The following PTBP3 variants were observed in gnomAD, a reference collection of about 807,000 sequenced individuals.
The protein encoded by PTBP3 is polypyrimidine tract-binding protein 3.
In PTBP3, 20 loss-of-function variants were observed where a neutral mutation model predicts 58.7. That is an observed-to-expected ratio of 0.34 (90% confidence interval 0.24 to 0.50). PTBP3 has a LOEUF of 0.50. PTBP3 is among the 20% of genes least tolerant of loss of function. PTBP3 has a pLI of 0.98. For missense variants in PTBP3, 509 were observed against 637.2 expected (o/e 0.80, Z 2.17); for synonymous variants, 185 against 219.8 (o/e 0.84, Z 1.40).
intron 3 of PTBP3, among the ~76,000 whole-genome samples, chr9:112,269,950 T>TC (rs1216524638): frequency 6.7e-6 from 1 of 148,482 alleles, no homozygotes; most frequent in Non-Finnish European, 1.5e-5. Flanking sequence ...CAAATCTTCT[T>TC]TTTTTTTTTT....
In PTBP3 at chr9:112,305,615, G is replaced by C. The variant is rs553263836; in HGVS notation, c.-51-7699C>G. 1.1e-4 allele frequency among the ~76,000 whole-genome samples: 16 copies of C among 152,160 alleles called. No individual in the cohort carries two copies. The South Asian group carries it at 3.3e-3, about 32-fold the overall frequency. On this transcript the variant is annotated intron_variant, in intron 1 of 13. Coordinates refer to ENST00000374257, the MANE Select transcript of PTBP3 (RefSeq NM_001163788.4). ...TTCCCTAGGCTTGATTTTAATCTGCGTCCTTTTCCTCTAGCAAACCATGCT... is the reference window on the plus strand; with the variant it reads ...TTCCCTAGGCTTGATTTTAATCTGCCTCCTTTTCCTCTAGCAAACCATGCT...
the PTBP3 span, among the ~76,000 whole-genome samples, chr9:112,367,776 T>C: frequency 6.6e-6 from 1 of 151,966 alleles, no homozygotes; most frequent in African/African-American, 2.4e-5. Flanking sequence ...TGAAGATCTC[T>C]TTATATTTAA....
In PTBP3 at chr9:112,232,021, A is replaced by AAGAGAAGAG. The variant is rs1564391863; in HGVS notation, c.1020+77_1020+78insCTCTTCTCT. ...GAAGAGAAGAGAAGAGAAGAGAAGA[A>AAGAGAAGAG]AAGAAAAGAAAGAAAGAAAAAAGTG... On this transcript the variant is annotated intron_variant, in intron 9 of 13. Transcript: ENST00000374257. 1.3e-5 allele frequency: 4 copies of AAGAGAAGAG among 302,408 alleles called. No homozygotes were observed. In the East Asian group the frequency reaches 4.2e-4, roughly 32 times the overall value. The allele number at this position is 302,408 out of a possible 1,614,324, so 18.7% of individuals were successfully genotyped here.
At chr9:112,317,022 G>A (rs1829732970) in intron 1 of PTBP3, among the ~76,000 whole-genome samples, 1 of 151,466 alleles carries the variant, frequency 6.6e-6, no homozygotes, top group Non-Finnish European at 1.5e-5. Context: ...GCTCACGCCT[G>A]TAATCCCAGC....
At chr9:112,296,538 C>A (rs1263089065) in intron 2 of PTBP3, among the ~76,000 whole-genome samples, 1 of 152,062 alleles carries the variant, frequency 6.6e-6, no homozygotes, top group Non-Finnish European at 1.5e-5. Flanking sequence ...CATTCATCCC[C>A]ACCTCCCTAC....
At chr9:112,265,209 T>C (rs1299422367) in intron 4 of PTBP3, among the ~76,000 whole-genome samples, 1 of 151,770 alleles carries the variant, frequency 6.6e-6, no homozygotes, top group Non-Finnish European at 1.5e-5. Flanking sequence ...CTGCAATACA[T>C]TAAGTCTTAG....
chr9:112,365,130 G>C, the PTBP3 span, among the ~76,000 whole-genome samples: 5 of 151,730 alleles, frequency 3.3e-5, no homozygotes, highest in Non-Finnish European at 7.4e-5. Flanking sequence ...CTTCTTTAAG[G>C]CTTAATAGTA....
At chr9:112,224,052 A>G in intron 13 of PTBP3, 69 bp from the exon 14 acceptor site, 2 of 1,561,510 alleles carry the variant, frequency 1.3e-6, no homozygotes, top group Non-Finnish European at 1.8e-6. Flanking sequence ...TTCCTCCACC[A>G]GAAGACTTCA....
chr9:112,273,709 A>G (rs1380239464), intron 3 of PTBP3, among the ~76,000 whole-genome samples: 1 of 152,184 alleles, frequency 6.6e-6, no homozygotes, highest in African/African-American at 2.4e-5. Flanking sequence ...GAGACAGCCA[A>G]AAGTCACTAC....
At chr9:112,294,288 GGATT>G (rs1299466073) in intron 2 of PTBP3, among the ~76,000 whole-genome samples, 1 of 152,162 alleles carries the variant, frequency 6.6e-6, no homozygotes, top group East Asian at 1.9e-4. Context: ...CAAGGAAGGA[GGATT>G]GATTGATTGA....
At chr9:112,345,105 A>AAAT in the PTBP3 span, among the ~76,000 whole-genome samples, 2 of 151,846 alleles carry the variant, frequency 1.3e-5, no homozygotes, top group African/African-American at 2.4e-5. Flanking sequence ...TGCACAGCAA[A>AAAT]AATAATAATA....
chr9:112,332,572 T>C (rs951372861), intron 1 of PTBP3, among the ~76,000 whole-genome samples: 2 of 152,142 alleles, frequency 1.3e-5, no homozygotes, highest in African/African-American at 2.4e-5. Flanking sequence ...TAGGTACAGA[T>C]ACTACAACCT....
At chr9:112,369,956 G>A in the PTBP3 span, among the ~76,000 whole-genome samples, 1 of 152,216 alleles carries the variant, frequency 6.6e-6, no homozygotes, top group African/African-American at 2.4e-5. Context: ...TTTATAAAAG[G>A]CAGTTCCCCT....
At position 112,333,618 on chromosome 9, in the gene PTBP3, G is replaced by C; in HGVS notation, c.-200C>G. On this transcript the variant is annotated 5_prime_UTR_variant, in exon 1 of 14. Transcript: ENST00000374257. ...CCGGCCGGTCCGAGGTGGAAGGAGA[G>C]TGGGAACAGGGGCGGGGACCGGGCA... The C allele has an allele frequency of 2.1e-6, 2 of 962,338 alleles. No individual in the cohort carries two copies. Among genetic ancestry groups the C allele is most frequent in the South Asian group, 1.6e-5 (1 of 62,994 alleles). The allele number at this position is 962,338 out of a possible 1,614,324, so 59.6% of individuals were successfully genotyped here. A position where few individuals can be genotyped will look rare whatever the true frequency, so the allele number is the denominator to read the frequency against.
chr9:112,355,621 CTTTTTTT>C, the PTBP3 span, among the ~76,000 whole-genome samples: 3 of 127,806 alleles, frequency 2.3e-5, no homozygotes, highest in South Asian at 7.7e-4. Flanking sequence ...AACTCTTTTT[CTTTTTTT>C]TTTTTTTTTT....
intron 3 of PTBP3, among the ~76,000 whole-genome samples, chr9:112,268,712 C>CTT (rs1491498907): frequency 1.1e-5 from 1 of 94,064 alleles, no homozygotes; most frequent in African/African-American, 3.7e-5. Flanking sequence ...GACACCGTCT[C>CTT]AAAAAAAAAA....
intron 1 of PTBP3, among the ~76,000 whole-genome samples, chr9:112,317,293 A>G (rs1193167242): frequency 6.6e-6 from 1 of 151,538 alleles, no homozygotes; most frequent in Non-Finnish European, 1.5e-5. Context: ...ACAATGGTAC[A>G]TGCCTGTAGT....
intron 1 of PTBP3, among the ~76,000 whole-genome samples, chr9:112,315,021 C>T (rs974687446): frequency 3.9e-5 from 6 of 151,912 alleles, no homozygotes; most frequent in African/African-American, 7.3e-5. Context: ...TTAGTAGAGA[C>T]GGAGTGTCAC....
At chr9:112,297,591 C>T (rs927344889) in intron 2 of PTBP3, among the ~76,000 whole-genome samples, 4 of 152,086 alleles carry the variant, frequency 2.6e-5, no homozygotes, top group African/African-American at 9.7e-5. Context: ...AATTATGTAA[C>T]ACAAAGAACA....
Sources: allele counts gnomAD v4.1 joint callset (sites outside exome capture counted in the v4.1 genomes callset), GRCh38; gene constraint gnomAD v4.1.1; transcripts MANE v1.5; gene names NCBI Gene and HGNC (gene_info 2026-07-23, HGNC 2026-07-21).